STAG1: variants seen among roughly 807,000 people sequenced by gnomAD.
The protein encoded by STAG1 is STAG1 cohesin complex component.
STAG1 carries 26 observed loss-of-function variants against 170.9 expected under a neutral mutation model. The observed-to-expected ratio is 0.15, with a 90% confidence interval of 0.11 to 0.21. The LOEUF (loss-of-function observed/expected upper bound fraction) is 0.21, where lower values mean the gene tolerates loss of function less well. Ranked by LOEUF, STAG1 falls within the 10% of genes least tolerant of loss-of-function variation. STAG1 has a pLI of 1.00. For synonymous variants in STAG1, 514 were observed against 497.7 expected, an observed-to-expected ratio of 1.03 and a Z score of -0.44; for missense variants, 964 against 1,509.5, an observed-to-expected ratio of 0.64 and a Z score of 5.99.
chr3:136,494,698 A>C (rs1468749510), intron 9 of STAG1, among the ~76,000 whole-genome samples: 2 of 152,198 alleles, frequency 1.3e-5, no homozygotes, highest in East Asian at 1.9e-4. Flanking sequence ...ACCTCATTCA[A>C]AACAGAAAAA....
chr3:136,614,409 T>C (rs188170228), intron 3 of STAG1, among the ~76,000 whole-genome samples: 15 of 152,264 alleles, frequency 9.9e-5, no homozygotes, highest in Admixed American at 3.3e-4. Flanking sequence ...CTGCAGGTAA[T>C]TCAAGGGACA....
In STAG1 at chr3:136,737,071, T is replaced by G. The variant is rs1934382735; in HGVS notation, c.-84+15124A>C. 5.9e-6 allele frequency: 7 copies of G among 1,178,948 alleles called. No individual in the cohort carries two copies. In the Admixed American group the frequency reaches 1.0e-4, roughly 17 times the overall value. The allele number at this position is 1,178,948 out of a possible 1,614,324, so 73.0% of individuals were successfully genotyped here. Reference sequence around the variant, plus strand: ...AGGATCTGAAGAACCTCAAATGGGGTGAAACTGAAGTAAGAGGAACCAGGA... The same window carrying G: ...AGGATCTGAAGAACCTCAAATGGGGGGAAACTGAAGTAAGAGGAACCAGGA... On this transcript the variant is annotated intron_variant, in intron 1 of 33. Coordinates refer to ENST00000383202, the MANE Select transcript of STAG1 (RefSeq NM_005862.3).
In STAG1 at chr3:136,669,406, C is replaced by T. The variant is rs112444273; in HGVS notation, c.-83-38425G>A. 1.8e-4 allele frequency among the ~76,000 whole-genome samples: 28 copies of T among 152,178 alleles called. 1 individual carries two copies. In the East Asian group the frequency reaches 4.6e-3, roughly 25 times the overall value. On this transcript the variant is annotated intron_variant, in intron 1 of 33. Coordinates refer to ENST00000383202, the MANE Select transcript of STAG1 (RefSeq NM_005862.3). ...TCTTGCTCTGTCACCCAGGCTAGAC[C>T]GTGGTGGTGCAATCATGGCTCACTG...
intron 21 of STAG1, among the ~76,000 whole-genome samples, chr3:136,413,926 C>T (rs945147053): frequency 3.9e-5 from 6 of 152,184 alleles, no homozygotes; most frequent in South Asian, 2.1e-4. Flanking sequence ...AAGCAAGTCA[C>T]AAAACCTTTG....
intron 22 of STAG1, among the ~76,000 whole-genome samples, chr3:136,380,990 C>T (rs1175762364): frequency 1.4e-5 from 2 of 145,866 alleles, no homozygotes; most frequent in Admixed American, 7.0e-5. Flanking sequence ...TGCCACTGCA[C>T]TCCAGCCTGG....
Position 136,340,547 on chromosome 3 carries a change from G to C in STAG1, c.3616C>G (p.Arg1206Gly), listed in dbSNP as rs1278461452. ...TCATTCATATCTTCTAACTGGCTTC[G>C]GGATGACATCATCACATCTTCAAAG... ...PIFEDVMMSS[R>G]SQLEDMNEEF... The change falls in exon 32 of 34, where the codon CGA becomes GGA. Residue 1206 changes from arginine to glycine, a missense_variant. Arg to Gly is a moderately radical substitution (Grantham distance 125). This residue lies in a region of STAG1 where 59 missense variants were observed against 104.2 expected (regional missense o/e 0.57). Transcript: ENST00000383202. The C allele has an allele frequency of 6.2e-7, 1 of 1,613,846 alleles. No individual in the cohort carries two copies. The highest frequency in any genetic ancestry group is 8.5e-7 in the Non-Finnish European group (1 of 1,179,846).
Position 136,463,735 on chromosome 3 carries a change from ATG to A in STAG1, c.1313+1144_1313+1145del, listed in dbSNP as rs140989476. ...TCTCTAAAAAAAAAAAAATGTGTAT[ATG>A]TGTGTGTGTGTGTGTGTGTGTGTGT... On this transcript the variant is annotated intron_variant, in intron 13 of 33. Coordinates refer to ENST00000383202, the MANE Select transcript of STAG1 (RefSeq NM_005862.3). Among the ~76,000 whole-genome samples, 275 of 101,218 alleles carry A rather than the reference ATG, an allele frequency of 2.7e-3. 1 individual carries two copies. The highest frequency in any genetic ancestry group is 5.1e-3 in the Middle Eastern group (1 of 196). The allele number at this position is 101,218 out of a possible 152,430, so 66.4% of individuals were successfully genotyped here.
At chr3:136,713,783 G>A (rs1375890058) in intron 1 of STAG1, among the ~76,000 whole-genome samples, 1 of 152,026 alleles carries the variant, frequency 6.6e-6, no homozygotes, top group East Asian at 1.9e-4. Context: ...AGCGCTTTGG[G>A]AGGCCACAAT....
At chr3:136,551,180 T>TTTTTA (rs1491152103) in intron 5 of STAG1, among the ~76,000 whole-genome samples, 1 of 139,600 alleles carries the variant, frequency 7.2e-6, no homozygotes, top group African/African-American at 2.7e-5. Context: ...TTTTTTTTTT[T>TTTTTA]GAGAGAGAGA....
intron 4 of STAG1, among the ~76,000 whole-genome samples, chr3:136,584,186 C>G (rs771044424): frequency 2.6e-5 from 4 of 152,172 alleles, no homozygotes; most frequent in Non-Finnish European, 5.9e-5. Context: ...TTTCTTTCTC[C>G]TTATTCTTCC....
chr3:136,447,737 C>A (rs1014479410), intron 14 of STAG1, among the ~76,000 whole-genome samples: 2 of 151,520 alleles, frequency 1.3e-5, no homozygotes, highest in Non-Finnish European at 2.9e-5. Flanking sequence ...CCTGCCTCAG[C>A]CTCCAGAGTA....
rs116350207 is a variant in STAG1, at chr3:136,596,123, T to C, written c.297+8186A>G. Among the ~76,000 whole-genome samples the C allele has an allele frequency of 7.7e-3, 1,173 of 152,334 alleles. 19 individuals are homozygous for C. The highest frequency in any genetic ancestry group is 0.027 in the African/African-American group (1,141 of 41,558). The stretch of plus-strand genomic sequence containing the variant: ...CTGAATATTACATAAATTTATATGA[T>C]AAAGCAGTGACAGGGTTTGAGAGGA... On this transcript the variant is annotated intron_variant, in intron 4 of 33. Coordinates refer to ENST00000383202, the MANE Select transcript of STAG1 (RefSeq NM_005862.3).
intron 13 of STAG1, among the ~76,000 whole-genome samples, chr3:136,458,998 T>C (rs961933438): frequency 6.6e-6 from 1 of 151,900 alleles, no homozygotes; most frequent in Non-Finnish European, 1.5e-5. Flanking sequence ...GGTGGGCAGG[T>C]CACAAGGTCA....
At chr3:136,510,179 C>G (rs774650828) in intron 7 of STAG1, among the ~76,000 whole-genome samples, 9 of 152,168 alleles carry the variant, frequency 5.9e-5, no homozygotes, top group Non-Finnish European at 1.3e-4. Flanking sequence ...AATCTTACCT[C>G]AAATTGTAAT....
At chr3:136,425,767 G>A (rs1269995968) in intron 16 of STAG1, among the ~76,000 whole-genome samples, 1 of 149,612 alleles carries the variant, frequency 6.7e-6, no homozygotes, top group Non-Finnish European at 1.5e-5. Flanking sequence ...TATAAAAGAA[G>A]AAGATATGTG....
intron 7 of STAG1, among the ~76,000 whole-genome samples, chr3:136,519,225 C>A (rs1934538453): frequency 6.6e-6 from 1 of 152,074 alleles, no homozygotes; most frequent in Non-Finnish European, 1.5e-5. Context: ...CTCTTATGTT[C>A]TTAGAGTAAA....
At chr3:136,628,936 T>C (rs1559918668) in intron 2 of STAG1, among the ~76,000 whole-genome samples, 1 of 152,114 alleles carries the variant, frequency 6.6e-6, no homozygotes, top group South Asian at 2.1e-4. Context: ...ACTAGAGTGG[T>C]CTTTATAGTG....
chr3:136,662,205 G>A (rs948567662), intron 1 of STAG1, among the ~76,000 whole-genome samples: 2 of 148,644 alleles, frequency 1.3e-5, no homozygotes, highest in Non-Finnish European at 3.0e-5. Context: ...AGGCTCAAGT[G>A]CAGTGGCATG....
intron 9 of STAG1, among the ~76,000 whole-genome samples, chr3:136,489,118 G>C (rs1411157079): frequency 2.6e-5 from 4 of 152,090 alleles, no homozygotes; most frequent in Non-Finnish European, 5.9e-5. Context: ...TCAAAGAAAA[G>C]GAACTAGAAA....
Sources: gnomAD v4.1 joint callset for allele counts (sites outside exome capture counted in the v4.1 genomes callset) on GRCh38, gnomAD v4.1.1 for gene constraint, gnomAD v4.1.1 regional missense constraint, MANE v1.5 for transcripts, NCBI Gene and HGNC (gene_info 2026-07-23, HGNC 2026-07-21) for gene names.